VEPH1: variants seen among roughly 807,000 people sequenced by gnomAD.
VEPH1 encodes ventricular zone expressed PH domain containing 1, also known as ventricular zone-expressed PH domain-containing protein homolog 1.
In VEPH1, 80 loss-of-function variants were observed where a neutral mutation model predicts 85.2. That is an observed-to-expected ratio of 0.94 (90% CI 0.78 to 1.13). VEPH1 has a LOEUF of 1.13. VEPH1 is among the 50% of genes most tolerant of loss of function. VEPH1 has a pLI of 0.00. For synonymous variants in VEPH1, 297 were observed against 348.0 expected, an observed-to-expected ratio of 0.85 and a Z score of 1.63; for missense variants, 955 against 980.5, an observed-to-expected ratio of 0.97 and a Z score of 0.35.
chr3:157,482,631 C>T (rs1738225489), intron 2 of VEPH1, among the ~76,000 whole-genome samples: 1 of 152,148 alleles, frequency 6.6e-6, no homozygotes, highest in Admixed American at 6.6e-5. Flanking sequence ...GAATATTTTT[C>T]CATTTGTTTG....
At chr3:157,289,707 C>T (rs1000041938) in intron 11 of VEPH1, among the ~76,000 whole-genome samples, 1 of 152,114 alleles carries the variant, frequency 6.6e-6, no homozygotes, top group African/African-American at 2.4e-5. Context: ...AGGGCTTGCC[C>T]AAGAATTGCT....
rs990903329 is a variant in VEPH1, at chr3:157,286,556, C to T, written c.2128+1G>A. The T allele has an allele frequency of 1.9e-6, 3 of 1,612,972 alleles. No homozygotes were observed. Among genetic ancestry groups the T allele is most frequent in the Non-Finnish European group, 1.7e-6 (2 of 1,179,076 alleles). ...CTTAGCAGCAGGTAAGGGTCTCTCA[C>T]CAGTTGCTTTCTCAGGATTGTTGCA... is the stretch of plus-strand genomic sequence containing the variant. On this transcript the variant is annotated splice_donor_variant, in intron 12 of 13. Coordinates refer to ENST00000362010, the MANE Select transcript of VEPH1 (RefSeq NM_001167912.2). LOFTEE classifies it high-confidence loss of function.
chr3:157,447,779 G>A (rs1345370951), intron 4 of VEPH1, among the ~76,000 whole-genome samples: 1 of 152,052 alleles, frequency 6.6e-6, no homozygotes, highest in Non-Finnish European at 1.5e-5. Context: ...ATTTTTAGTA[G>A]AGATGGGGTT....
intron 7 of VEPH1, among the ~76,000 whole-genome samples, chr3:157,380,208 T>A (rs915163078): frequency 6.6e-6 from 1 of 152,184 alleles, no homozygotes; most frequent in Non-Finnish European, 1.5e-5. Context: ...AATTTCCTCA[T>A]GGCCAACACC....
chr3:157,441,918 C>T (rs1325383034), intron 4 of VEPH1, among the ~76,000 whole-genome samples: 7 of 151,926 alleles, frequency 4.6e-5, no homozygotes, highest in Non-Finnish European at 8.8e-5. Context: ...CTGAATTTCA[C>T]AGGTTTATTA....
chr3:157,462,640 G>A (rs919121092), intron 3 of VEPH1, among the ~76,000 whole-genome samples: 10 of 152,136 alleles, frequency 6.6e-5, no homozygotes, highest in African/African-American at 2.4e-4. Flanking sequence ...TTGATATCCA[G>A]TCCATAAATC....
chr3:157,426,167 A>C (rs938267034), intron 5 of VEPH1, among the ~76,000 whole-genome samples: 2 of 152,206 alleles, frequency 1.3e-5, no homozygotes, highest in Non-Finnish European at 2.9e-5. Flanking sequence ...CAGCAGCATG[A>C]AAATGGACTA....
At chr3:157,450,048 C>CT (rs761761440) in intron 4 of VEPH1, among the ~76,000 whole-genome samples, 26,687 of 76,888 alleles carry the variant, frequency 0.35, 5,853 homozygotes, top group East Asian at 0.45. Context: ...AGAATATTTA[C>CT]TTTTTTTTTT....
chr3:157,363,834 A>T lies in VEPH1; in HGVS notation c.1338-73T>A, dbSNP rs528896659. On this transcript the variant is annotated intron_variant, in intron 8 of 13. Transcript: ENST00000362010. ...CTGACAAGGAAAAGAAATAATAATA[A>T]TATTGGGACAAAAAGTTACTTCCTC... 12 of 1,521,686 alleles carry T rather than the reference A, an allele frequency of 7.9e-6. No individual in the cohort carries two copies. In the Admixed American group the frequency reaches 1.6e-4, roughly 20 times the overall value. The allele number at this position is 1,521,686 out of a possible 1,614,324, so 94.3% of individuals were successfully genotyped here. A position where few individuals can be genotyped will look rare whatever the true frequency, so the allele number is the denominator to read the frequency against.
At chr3:157,397,340 G>A (rs1323542176) in intron 6 of VEPH1, among the ~76,000 whole-genome samples, 1 of 152,166 alleles carries the variant, frequency 6.6e-6, no homozygotes, top group African/African-American at 2.4e-5. Flanking sequence ...TAGTCTTGTA[G>A]TACAGTTTGA....
intron 2 of VEPH1, chr3:157,489,137 A>G (rs757742669): frequency 2.5e-4 from 113 of 456,352 alleles, no homozygotes; most frequent in South Asian, 4.3e-4. Context: ...GGCCTTTCTG[A>G]TTTCACTCTT....
intron 4 of VEPH1, chr3:157,437,658 G>A: frequency 6.5e-7 from 1 of 1,542,174 alleles, no homozygotes; most frequent in Non-Finnish European, 8.7e-7. Context: ...GGGAGGAGCT[G>A]GGCCGGCTCG....
In VEPH1 at chr3:157,260,475, A is replaced by G. The variant is rs113618865; in HGVS notation, c.*659T>C. 3.9e-5 allele frequency: 6 copies of G among 152,188 alleles called. No individual in the cohort carries two copies. The highest frequency in any genetic ancestry group is 7.2e-5 in the African/African-American group (3 of 41,454). 9.4% of individuals were successfully genotyped at this position (152,188 alleles called of 1,614,324 possible). On this transcript the variant is annotated 3_prime_UTR_variant, in exon 14 of 14. Coordinates refer to ENST00000362010, the MANE Select transcript of VEPH1 (RefSeq NM_001167912.2). The stretch of plus-strand genomic sequence containing the variant: ...GTGCCTTGGGCAGGATATATGTCCA[A>G]GTATCTAAACTGTAGATTATATTAT...
chr3:157,367,651 A>G (rs1253497439), intron 7 of VEPH1, among the ~76,000 whole-genome samples: 1 of 152,202 alleles, frequency 6.6e-6, no homozygotes, highest in East Asian at 1.9e-4. Flanking sequence ...TTAGATATTG[A>G]GCATTATATA....
At chr3:157,371,767 A>G (rs539687408) in intron 7 of VEPH1, among the ~76,000 whole-genome samples, 2 of 152,314 alleles carry the variant, frequency 1.3e-5, no homozygotes, top group African/African-American at 4.8e-5. Context: ...TGGAGTTGGT[A>G]GGCTTTGCCT....
At chr3:157,269,644 T>TTG (rs1559911370) in intron 12 of VEPH1, among the ~76,000 whole-genome samples, 1 of 117,218 alleles carries the variant, frequency 8.5e-6, no homozygotes, top group East Asian at 2.5e-4. Flanking sequence ...TTTTTGTTGT[T>TTG]TTTTTTTTTT....
intron 12 of VEPH1, among the ~76,000 whole-genome samples, chr3:157,270,755 GTCATAAAATCACCC>G (rs2108281000): frequency 6.6e-6 from 1 of 152,208 alleles, no homozygotes; most frequent in South Asian, 2.1e-4. Context: ...GATCTGAGGG[GTCATAAAATCACCC>G]TCACAGGGAG....
In VEPH1 at chr3:157,274,941, T is replaced by C. The variant is rs573705374; in HGVS notation, c.2129-9279A>G. On this transcript the variant is annotated intron_variant, in intron 12 of 13. Coordinates refer to ENST00000362010, the MANE Select transcript of VEPH1 (RefSeq NM_001167912.2). ...AACCCAGTAATAGATTGAGCTGCTTTGGGAGAATTTCCTGTTATCTGTGGT... is the reference window on the plus strand; with the variant it reads ...AACCCAGTAATAGATTGAGCTGCTTCGGGAGAATTTCCTGTTATCTGTGGT... 2.6e-5 allele frequency among the ~76,000 whole-genome samples: 4 copies of C among 152,328 alleles called. No homozygotes were observed. The East Asian group carries it at 7.7e-4, about 29-fold the overall frequency.
intron 11 of VEPH1, among the ~76,000 whole-genome samples, chr3:157,305,504 A>G (rs1436775196): frequency 6.6e-6 from 1 of 152,114 alleles, no homozygotes; most frequent in Non-Finnish European, 1.5e-5. Context: ...TCATTCTCCT[A>G]TCTTTAGACA....
Sources: gnomAD v4.1 joint callset for allele counts (sites outside exome capture counted in the v4.1 genomes callset) on GRCh38, gnomAD v4.1.1 for gene constraint, MANE v1.5 for transcripts, NCBI Gene and HGNC (gene_info 2026-07-23, HGNC 2026-07-21) for gene names.